The following SNTG2 variants were observed in gnomAD, a reference collection of about 807,000 sequenced individuals.
The protein encoded by SNTG2 is syntrophin gamma 2.
SNTG2 carries 74 observed loss-of-function variants against 70.9 expected under a neutral mutation model. That is an observed-to-expected ratio of 1.04 (90% CI 0.86 to 1.27). The LOEUF is 1.27. Among genes scored for constraint, SNTG2 ranks in the 50% most tolerant of loss-of-function variants. SNTG2 has a pLI of 0.00. For missense variants in SNTG2, 717 were observed against 690.7 expected (o/e 1.04, Z -0.43); for synonymous variants, 278 against 273.8 (o/e 1.02, Z -0.15).
intron 1 of SNTG2, among the ~76,000 whole-genome samples, chr2:987,816 T>C (rs1016243181): frequency 2.6e-5 from 4 of 152,112 alleles, no homozygotes; most frequent in South Asian, 2.1e-4. Flanking sequence ...ACAGGGTTAC[T>C]GAGGAGAAGA....
chr2:1,336,557 G>T (rs1659827802), intron 16 of SNTG2, among the ~76,000 whole-genome samples: 2 of 151,980 alleles, frequency 1.3e-5, no homozygotes, highest in Admixed American at 1.3e-4. Flanking sequence ...AAAATATTTT[G>T]TCCTATGTTT....
intron 1 of SNTG2, among the ~76,000 whole-genome samples, chr2:1,018,281 G>A (rs1403298189): frequency 6.6e-6 from 1 of 152,174 alleles, no homozygotes; most frequent in Non-Finnish European, 1.5e-5. Context: ...AGAAAGTAGT[G>A]AGGAGACAAG....
intron 1 of SNTG2, among the ~76,000 whole-genome samples, chr2:1,071,508 G>T (rs1244278485): frequency 1.9e-5 from 2 of 107,930 alleles, no homozygotes; most frequent in Admixed American, 2.0e-4. Context: ...TGGTGGGGTG[G>T]GGGGAGGGGG....
At position 1,308,501 on chromosome 2, in the gene SNTG2, C is replaced by T. The variant is rs1187467566; in HGVS notation, c.1292C>T (p.Thr431Ile). The change falls in exon 15 of 17, where the codon ACA becomes ATA. Residue 431 changes from threonine (T) to isoleucine (I), a missense_variant. Physicochemically the swap from Thr to Ile is moderately conservative, Grantham distance 89 (BLOSUM62 -1). Transcript: ENST00000308624. ...ATTGATACTTTTTTCTAGTCCAGAA[C>T]ATACATGTGCAGCTGGCAAGGAGAG... ...FMEVQRTGSR[T>I]YMCSWQGEML... The T allele has an allele frequency of 6.4e-7, 1 of 1,551,352 alleles. No individual in the cohort carries two copies. Among genetic ancestry groups the T allele is most frequent in the East Asian group, 2.4e-5 (1 of 40,898 alleles).
chr2:1,288,605 A>G (rs1679863859), intron 14 of SNTG2, among the ~76,000 whole-genome samples: 1 of 152,010 alleles, frequency 6.6e-6, no homozygotes, highest in African/African-American at 2.4e-5. Flanking sequence ...GAACACACAT[A>G]CATAAGCATA....
intron 14 of SNTG2, among the ~76,000 whole-genome samples, chr2:1,305,234 G>A (rs960776278): frequency 6.6e-6 from 1 of 152,172 alleles, no homozygotes; most frequent in Non-Finnish European, 1.5e-5. Flanking sequence ...AGTTGTTCCT[G>A]CAGCCTCAAC....
chr2:1,358,778 T>A (rs915952402), intron 16 of SNTG2, among the ~76,000 whole-genome samples: 1 of 152,220 alleles, frequency 6.6e-6, no homozygotes, highest in Non-Finnish European at 1.5e-5. Flanking sequence ...TGGCCTGTCC[T>A]GGAGAATGCT....
chr2:1,077,264 A>G (rs1028055200), intron 1 of SNTG2, among the ~76,000 whole-genome samples: 9 of 152,304 alleles, frequency 5.9e-5, no homozygotes, highest in Non-Finnish European at 8.8e-5. Flanking sequence ...TTCTGGGAAC[A>G]TTCTGTGCGT....
chr2:1,142,354 C>T (rs371256067), intron 6 of SNTG2, among the ~76,000 whole-genome samples: 1 of 152,216 alleles, frequency 6.6e-6, no homozygotes, highest in African/African-American at 2.4e-5. Flanking sequence ...TGCCTGGGCT[C>T]TGCCATCCCG....
intron 2 of SNTG2, among the ~76,000 whole-genome samples, chr2:1,085,433 G>A (rs1360924959): frequency 3.3e-5 from 5 of 152,180 alleles, no homozygotes; most frequent in African/African-American, 9.7e-5. Context: ...AGACTTATGC[G>A]TACAGTTTTA....
intron 6 of SNTG2, among the ~76,000 whole-genome samples, chr2:1,145,533 C>T (rs1334249643): frequency 6.6e-6 from 1 of 152,202 alleles, no homozygotes; most frequent in African/African-American, 2.4e-5. Context: ...GATTGGCCTA[C>T]ATCTATTAAA....
At chr2:1,155,427 T>C (rs1669826834) in intron 6 of SNTG2, among the ~76,000 whole-genome samples, 1 of 151,892 alleles carries the variant, frequency 6.6e-6, no homozygotes, top group African/African-American at 2.4e-5. Context: ...CACACACGTG[T>C]ACACACACCA....
chr2:1,000,996 A>G (rs1285984156), intron 1 of SNTG2, among the ~76,000 whole-genome samples: 4 of 152,028 alleles, frequency 2.6e-5, no homozygotes, highest in Non-Finnish European at 5.9e-5. Context: ...TTCGCCACGT[A>G]AACAAAAAGT....
chr2:1,355,940 T>G (rs1054530853), intron 16 of SNTG2, among the ~76,000 whole-genome samples: 1 of 152,220 alleles, frequency 6.6e-6, no homozygotes, highest in African/African-American at 2.4e-5. Flanking sequence ...CCCTAATGCT[T>G]GGTGATGTGA....
chr2:1,206,960 G>A lies in SNTG2; in HGVS notation c.592-2143G>A, dbSNP rs540090751. ...AGCAAACCTTTGAATCAGCAACAAG[G>A]GGTACAGAGTATGTGGCTAAACACA... On this transcript the variant is annotated intron_variant, in intron 8 of 16. Coordinates refer to ENST00000308624, the MANE Select transcript of SNTG2 (RefSeq NM_018968.4). 3.3e-5 allele frequency among the ~76,000 whole-genome samples: 5 copies of A among 152,284 alleles called. No individual in the cohort carries two copies. In the South Asian group the frequency reaches 8.3e-4, roughly 25 times the overall value.
At chr2:964,819 G>C (rs1442691170) in intron 1 of SNTG2, among the ~76,000 whole-genome samples, 10 of 152,136 alleles carry the variant, frequency 6.6e-5, no homozygotes, top group Admixed American at 6.5e-4. Flanking sequence ...TGTGACACTC[G>C]GTTCCATGCT....
At chr2:1,197,521 G>GTATATATA (rs59683479) in intron 8 of SNTG2, among the ~76,000 whole-genome samples, 10 of 94,688 alleles carry the variant, frequency 1.1e-4, no homozygotes, top group East Asian at 5.7e-4. Context: ...ATATATGTGT[G>GTATATATA]TGTGTGTGTG....
At chr2:1,244,435 G>A (rs1175521075) in intron 11 of SNTG2, among the ~76,000 whole-genome samples, 8 of 152,100 alleles carry the variant, frequency 5.3e-5, no homozygotes, top group African/African-American at 1.4e-4. Flanking sequence ...GGGGGCTCAC[G>A]CCTGTAATCC....
chr2:1,220,812 C>CCGGCAGTT (rs1458324176), intron 9 of SNTG2, among the ~76,000 whole-genome samples: 1 of 152,172 alleles, frequency 6.6e-6, no homozygotes, highest in Non-Finnish European at 1.5e-5. Flanking sequence ...CCTTCAACAC[C>CCGGCAGTT]CGGCAGTTCT....
Sources: gnomAD v4.1 joint callset for allele counts (sites outside exome capture counted in the v4.1 genomes callset) on GRCh38, gnomAD v4.1.1 for gene constraint, MANE v1.5 for transcripts, NCBI Gene and HGNC (gene_info 2026-07-23, HGNC 2026-07-21) for gene names.